Variants in TBC1D22B observed in about 807,000 individuals in gnomAD.
TBC1D22B encodes the protein TBC1 domain family member 22B, also known as chromosome 6 open reading frame 197.
Under a neutral mutation model 69.1 loss-of-function variants are expected in TBC1D22B, and 32 were observed. The ratio of observed to expected loss-of-function variants is 0.46; its 90% CI spans 0.35 to 0.62. The LOEUF (loss-of-function observed/expected upper bound fraction) is 0.62, where lower values mean the gene tolerates loss of function less well. Among genes scored for constraint, TBC1D22B ranks in the 20% least tolerant of loss-of-function variants. The probability of loss-of-function intolerance (pLI) is 0.00; values close to 1 mark genes in which losing one functional copy is unlikely to be tolerated. For synonymous variants in TBC1D22B, 206 were observed against 229.8 expected, an observed-to-expected ratio of 0.90 and a Z score of 0.94; for missense variants, 462 against 630.9, an observed-to-expected ratio of 0.73 and a Z score of 2.87.
intron 8 of TBC1D22B, among the ~76,000 whole-genome samples, chr6:37,310,766 A>G (rs1767886146): frequency 6.6e-6 from 1 of 152,214 alleles, no homozygotes; most frequent in African/African-American, 2.4e-5. Flanking sequence ...AGTCTTCTTT[A>G]TTCTTTTTTG....
intron 8 of TBC1D22B, among the ~76,000 whole-genome samples, chr6:37,310,639 G>T (rs138834234): frequency 4.5e-4 from 68 of 152,320 alleles, no homozygotes; most frequent in African/African-American, 1.6e-3. Context: ...TTGCACTCCA[G>T]CCTGGGAGAT....
rs778797369 is a variant in TBC1D22B, at chr6:37,269,604, G to T, written c.67G>T (p.Val23Leu). The T allele has an allele frequency of 1.9e-6, 3 of 1,614,086 alleles. No individual in the cohort carries two copies. The highest frequency in any genetic ancestry group is 1.6e-4 in the Middle Eastern group (1 of 6,062). ...TGTTTTTGCTTTTAGCATTCAGCCTGTATATGGAGCACAGCATCCTCCTCT... is the reference window on the plus strand; with the variant it reads ...TGTTTTTGCTTTTAGCATTCAGCCTTTATATGGAGCACAGCATCCTCCTCT... ...SAKLPGSIQPVYGAQHPPLDP... is the reference protein window; with the variant it reads ...SAKLPGSIQPLYGAQHPPLDP... Residue 23 changes from valine (V) to leucine (L), a missense_variant, in exon 2 of 13, where the codon GTA (valine) becomes TTA (leucine). This residue lies in a region of TBC1D22B where 237 missense variants were observed against 255.4 expected (regional missense o/e 0.93). Transcript: ENST00000373491.
intron 8 of TBC1D22B, among the ~76,000 whole-genome samples, chr6:37,292,632 C>T (rs1767223264): frequency 1.3e-5 from 2 of 152,084 alleles, no homozygotes; most frequent in African/African-American, 4.8e-5. Context: ...AAGAATGAGC[C>T]TAGGATGGTA....
intron 1 of TBC1D22B, among the ~76,000 whole-genome samples, chr6:37,265,545 TC>T (rs1225171239): frequency 1.3e-5 from 2 of 151,258 alleles, no homozygotes; most frequent in African/African-American, 2.4e-5. Context: ...TTTTTTTTTT[TC>T]CCGTGGTCAG....
intron 8 of TBC1D22B, chr6:37,295,586 C>A: frequency 2.3e-6 from 1 of 434,752 alleles, no homozygotes; most frequent in Non-Finnish European, 4.7e-6. Flanking sequence ...GATATTCATC[C>A]AAATAATAAG....
At chr6:37,270,221 G>A (rs1239947207) in intron 2 of TBC1D22B, among the ~76,000 whole-genome samples, 2 of 152,186 alleles carry the variant, frequency 1.3e-5, no homozygotes, top group Non-Finnish European at 2.9e-5. Context: ...GGAGGCTGAG[G>A]CAGGTGGATT....
At chr6:37,284,594 C>T in intron 6 of TBC1D22B, 130 bp downstream of exon 6, 3 of 1,041,444 alleles carry the variant, frequency 2.9e-6, no homozygotes, top group East Asian at 2.9e-5. Context: ...TTAAATTTAT[C>T]CTCAAAACTG....
chr6:37,298,081 G>C (rs1767443138), intron 8 of TBC1D22B, among the ~76,000 whole-genome samples: 1 of 152,164 alleles, frequency 6.6e-6, no homozygotes, highest in Admixed American at 6.5e-5. Context: ...AGCATTAGGA[G>C]AAATACGTAA....
intron 8 of TBC1D22B, among the ~76,000 whole-genome samples, chr6:37,297,664 TTATC>T (rs1175117534): frequency 6.6e-6 from 1 of 152,210 alleles, no homozygotes; most frequent in Non-Finnish European, 1.5e-5. Flanking sequence ...TTCTTATTGC[TTATC>T]TTTCTAAAAA....
At chr6:37,313,126 AC>A in intron 9 of TBC1D22B, 102 bp downstream of exon 9, 2 of 834,510 alleles carry the variant, frequency 2.4e-6, no homozygotes, top group Non-Finnish European at 2.0e-6. Context: ...AGGACCACCC[AC>A]CCACCCACTA....
Position 37,312,968 on chromosome 6 carries a change from C to G in TBC1D22B, c.1033C>G (p.Arg345Gly), listed in dbSNP as rs116200452. Reference protein sequence around the residue: ...DVTNLSQDMLRSIEADSFWCM... With the variant: ...DVTNLSQDMLGSIEADSFWCM... ...GACCAACTTGTCTCAAGACATGCTG[C>G]GAAGCATTGAGGCTGACAGCTTTTG... Residue 345 changes from arginine (R) to glycine (G), a missense_variant, in exon 9 of 13, where the codon CGA (arginine) becomes GGA (glycine). Physicochemically the swap from Arg to Gly is moderately radical, Grantham distance 125. This residue lies in a region of TBC1D22B where 225 missense variants were observed against 375.4 expected (regional missense o/e 0.60). Transcript: ENST00000373491. 3.7e-6 allele frequency: 6 copies of G among 1,614,186 alleles called. No homozygotes were observed. Among genetic ancestry groups the G allele is most frequent in the South Asian group, 1.1e-5 (1 of 91,086 alleles).
At position 37,331,140 on chromosome 6, in the gene TBC1D22B, T is replaced by C; in HGVS notation, c.1486T>C (p.Phe496Leu). 1 of 1,614,156 alleles carries C rather than the reference T, an allele frequency of 6.2e-7. No individual in the cohort carries two copies. The highest frequency in any genetic ancestry group is 1.6e-4 in the Middle Eastern group (1 of 6,062). ...LAEAYRLKYM[F>L]ADAPNHYRR ...CGAGGCATACAGACTCAAGTACATG[T>C]TTGCCGATGCCCCAAATCACTACCG... The change falls in exon 13 of 13, where the codon TTT (phenylalanine) becomes CTT (leucine). Residue 496 changes from phenylalanine to leucine, a missense_variant. Phe to Leu is a conservative substitution (Grantham distance 22). Transcript: ENST00000373491.
Position 37,291,466 on chromosome 6 carries a change from T to C in TBC1D22B, c.982+109T>C, listed in dbSNP as rs1337280166. The C allele has an allele frequency of 1.1e-5, 8 of 761,330 alleles. No homozygotes were observed. The South Asian group carries it at 1.2e-4, about 11-fold the overall frequency. The allele number at this position is 761,330 out of a possible 1,614,324, so 47.2% of individuals were successfully genotyped here. A position where few individuals can be genotyped will look rare whatever the true frequency, so the allele number is the denominator to read the frequency against. On this transcript the variant is annotated intron_variant, in intron 8 of 12. Coordinates refer to ENST00000373491, the MANE Select transcript of TBC1D22B (RefSeq NM_017772.4). ...CCAGTAGGTATGTCTTGCTAGAAAA[T>C]AGAGAGTGCCTTTGGCATACACAGC...
intron 1 of TBC1D22B, among the ~76,000 whole-genome samples, chr6:37,266,503 C>G (rs973445056): frequency 2.7e-5 from 4 of 150,258 alleles, no homozygotes; most frequent in Non-Finnish European, 5.9e-5. Context: ...GCTCTGTCCC[C>G]CAAGCTGGAG....
chr6:37,312,968 C>A lies in TBC1D22B; in HGVS notation c.1033C>A (p.Arg345=), dbSNP rs116200452. The A allele has an allele frequency of 3.5e-3, 5,633 of 1,614,166 alleles. 19 individuals carry two copies. Among genetic ancestry groups the A allele is most frequent in the Non-Finnish European group, 4.4e-3 (5,206 of 1,179,996 alleles). The change falls in exon 9 of 13, where the codon CGA becomes AGA. Residue 345 remains arginine, a synonymous_variant. Transcript: ENST00000373491. ...GACCAACTTGTCTCAAGACATGCTGCGAAGCATTGAGGCTGACAGCTTTTG... is the reference window on the plus strand; with the variant it reads ...GACCAACTTGTCTCAAGACATGCTGAGAAGCATTGAGGCTGACAGCTTTTG... ...DVTNLSQDML[R]SIEADSFWCM... is the part of the protein sequence containing the mutation.
At chr6:37,310,977 T>G (rs1767891928) in intron 8 of TBC1D22B, among the ~76,000 whole-genome samples, 1 of 152,234 alleles carries the variant, frequency 6.6e-6, no homozygotes, top group Non-Finnish European at 1.5e-5. Context: ...TGTGCTTATA[T>G]AAACACATAA....
At chr6:37,269,755 T>C in intron 2 of TBC1D22B, 105 bp downstream of exon 2, 2 of 1,078,966 alleles carry the variant, frequency 1.9e-6, no homozygotes, top group Non-Finnish European at 2.8e-6. Context: ...TTAGCGTCTC[T>C]TCTGCCCTAT....
Position 37,282,268 on chromosome 6 carries a change from G to C in TBC1D22B, c.505G>C (p.Asp169His). ...PIIPLVARIS[D>H]QNASGAPPMT... ...CATCCCCCTCGTTGCCCGGATCTCG[G>C]ATCAGAACGCTTCTGGGGCCCCCCC... The change falls in exon 4 of 13, where the codon GAT (aspartate) becomes CAT (histidine). Residue 169 changes from aspartate to histidine, a missense_variant. Transcript: ENST00000373491. 6.2e-7 allele frequency: 1 copy of C among 1,614,138 alleles called. No homozygotes were observed. The highest frequency in any genetic ancestry group is 8.5e-7 in the Non-Finnish European group (1 of 1,180,024).
chr6:37,329,633 A>G (rs1475540668), intron 12 of TBC1D22B, among the ~76,000 whole-genome samples: 1 of 152,200 alleles, frequency 6.6e-6, no homozygotes, highest in Non-Finnish European at 1.5e-5. Flanking sequence ...AAAACAAGAG[A>G]GTTGTTTATT....
Sources: allele counts gnomAD v4.1 joint callset (sites outside exome capture counted in the v4.1 genomes callset), GRCh38; gene constraint gnomAD v4.1.1; regional missense constraint gnomAD v4.1.1; transcripts MANE v1.5; gene names NCBI Gene and HGNC (gene_info 2026-07-23, HGNC 2026-07-21).